COL14A1: variants seen among roughly 807,000 people sequenced by gnomAD.
COL14A1 encodes collagen alpha-1(XIV) chain.
Under a neutral mutation model 230.3 loss-of-function variants are expected in COL14A1, and 136 were observed. That is an observed-to-expected ratio of 0.59 (90% CI 0.51 to 0.68). COL14A1 has a LOEUF of 0.68. COL14A1 is among the 30% of genes least tolerant of loss of function. The probability of loss-of-function intolerance (pLI) is 0.00; values close to 1 mark genes in which losing one functional copy is unlikely to be tolerated. For missense variants in COL14A1, 1,976 were observed against 2,215.8 expected, an observed-to-expected ratio of 0.89 and a Z score of 2.17; for synonymous variants, 792 against 784.1, an observed-to-expected ratio of 1.01 and a Z score of -0.17.
intron 17 of COL14A1, among the ~76,000 whole-genome samples, chr8:120,227,562 C>T (rs551592519): frequency 6.6e-6 from 1 of 152,128 alleles, no homozygotes; most frequent in African/African-American, 2.4e-5. Context: ...AAGGCAGGGA[C>T]CATATCTGTG....
At chr8:120,362,462 T>C (rs1823253177) in intron 45 of COL14A1, among the ~76,000 whole-genome samples, 1 of 152,228 alleles carries the variant, frequency 6.6e-6, no homozygotes, top group South Asian at 2.1e-4. Context: ...AGATATTTCT[T>C]GAGTGCTTAA....
chr8:120,130,747 G>A (rs976075760), intron 1 of COL14A1, among the ~76,000 whole-genome samples: 15 of 151,982 alleles, frequency 9.9e-5, no homozygotes, highest in African/African-American at 3.4e-4. Context: ...TTAAGTTTGG[G>A]GATACAAGAA....
intron 5 of COL14A1, among the ~76,000 whole-genome samples, chr8:120,189,754 G>A (rs200245392): frequency 2.0e-5 from 3 of 150,842 alleles, no homozygotes; most frequent in East Asian, 3.9e-4. Context: ...TTGTCCTTGC[G>A]ATAGTTTACT....
chr8:120,298,945 T>C (rs1820620899), intron 35 of COL14A1, among the ~76,000 whole-genome samples: 1 of 151,832 alleles, frequency 6.6e-6, no homozygotes, highest in Non-Finnish European at 1.5e-5. Context: ...AACACTTCCT[T>C]CTTCAGAAGG....
chr8:120,247,964 A>C (rs554660805), intron 21 of COL14A1, among the ~76,000 whole-genome samples: 1 of 152,316 alleles, frequency 6.6e-6, no homozygotes. Context: ...TACTGGGCAC[A>C]TCAATTAGAA....
At chr8:120,178,708 T>C (rs1283656082) in intron 5 of COL14A1, among the ~76,000 whole-genome samples, 1 of 152,208 alleles carries the variant, frequency 6.6e-6, no homozygotes, top group African/African-American at 2.4e-5. Context: ...GTAAAAGTGT[T>C]GCTATTTCTC....
chr8:120,350,237 C>A (rs2130312602), intron 45 of COL14A1, among the ~76,000 whole-genome samples: 1 of 152,102 alleles, frequency 6.6e-6, no homozygotes. Context: ...CTGAAGGAAG[C>A]AATAAACATG....
chr8:120,154,060 C>T (rs960615656), intron 2 of COL14A1, among the ~76,000 whole-genome samples: 3 of 152,134 alleles, frequency 2.0e-5, no homozygotes, highest in Admixed American at 1.3e-4. Flanking sequence ...AGAGGAGATG[C>T]GATTATGGGT....
At chr8:120,165,535 C>T (rs554125367) in intron 4 of COL14A1, among the ~76,000 whole-genome samples, 35 of 152,156 alleles carry the variant, frequency 2.3e-4, no homozygotes, top group Non-Finnish European at 3.7e-4. Context: ...TACTTCACCA[C>T]GTAGTACAGC....
chr8:120,369,362 G>A lies in COL14A1; in HGVS notation c.5188G>A (p.Gly1730Arg). Residue 1730 changes from glycine (G) to arginine (R), a missense_variant, in exon 47 of 48, where the codon GGG (glycine) becomes AGG (arginine). Coordinates refer to ENST00000297848, the MANE Select transcript of COL14A1 (RefSeq NM_021110.4). ...PSGESRPGSP[G>R]PPGSPGPRGP... is the part of the protein sequence containing the mutation. ...AGGGGAGAGTCGGCCTGGCAGCCCT[G>A]GGCCCCCTGGCTCTCCTGGACCAAG... 6.3e-7 allele frequency: 1 copy of A among 1,599,452 alleles called. No individual in the cohort carries two copies. The highest frequency in any genetic ancestry group is 2.3e-5 in the East Asian group (1 of 43,980).
intron 40 of COL14A1, among the ~76,000 whole-genome samples, chr8:120,317,908 G>T (rs1026619173): frequency 1.3e-5 from 2 of 152,118 alleles, no homozygotes; most frequent in African/African-American, 4.8e-5. Context: ...GAGTATGTCT[G>T]ATTCTTAATT....
chr8:120,140,830 T>A (rs1814882418), intron 1 of COL14A1, among the ~76,000 whole-genome samples: 1 of 152,120 alleles, frequency 6.6e-6, no homozygotes, highest in African/African-American at 2.4e-5. Flanking sequence ...AAAACAAACA[T>A]ATGAGTGGAA....
intron 1 of COL14A1, among the ~76,000 whole-genome samples, chr8:120,135,909 T>C (rs1814695154): frequency 6.6e-6 from 1 of 152,114 alleles, no homozygotes; most frequent in Admixed American, 6.5e-5. Context: ...TTTTATTTAT[T>C]TTCTGCTATT....
intron 18 of COL14A1, among the ~76,000 whole-genome samples, chr8:120,230,535 C>T (rs1200187390): frequency 6.6e-6 from 1 of 151,996 alleles, no homozygotes; most frequent in Non-Finnish European, 1.5e-5. Context: ...ACCATATTTC[C>T]TATGCTTCCC....
intron 19 of COL14A1, among the ~76,000 whole-genome samples, chr8:120,235,396 C>T (rs1818409749): frequency 6.6e-6 from 1 of 152,092 alleles, no homozygotes; most frequent in Non-Finnish European, 1.5e-5. Context: ...GTCTCAAACT[C>T]CTGACCCTGT....
At chr8:120,272,424 G>A (rs1268807922) in intron 26 of COL14A1, among the ~76,000 whole-genome samples, 1 of 151,616 alleles carries the variant, frequency 6.6e-6, no homozygotes, top group Non-Finnish European at 1.5e-5. Context: ...CATGGTGACT[G>A]GAACTGTACC....
At chr8:120,246,622 G>C (rs1414752236) in intron 20 of COL14A1, among the ~76,000 whole-genome samples, 1 of 151,992 alleles carries the variant, frequency 6.6e-6, no homozygotes, top group African/African-American at 2.4e-5. Context: ...TATGAAAATA[G>C]GGCTTAAATC....
At chr8:120,192,677 G>A (rs1390133710) in intron 5 of COL14A1, among the ~76,000 whole-genome samples, 2 of 152,080 alleles carry the variant, frequency 1.3e-5, no homozygotes, top group African/African-American at 2.4e-5. Context: ...TCACTTTCAG[G>A]TAAACCAATC....
At chr8:120,214,483 A>G (rs1401353397) in intron 13 of COL14A1, among the ~76,000 whole-genome samples, 1 of 152,184 alleles carries the variant, frequency 6.6e-6, no homozygotes, top group African/African-American at 2.4e-5. Context: ...TGAATTAGAT[A>G]GGGGTCCTTG....
Sources: gnomAD v4.1 joint callset for allele counts (sites outside exome capture counted in the v4.1 genomes callset) on GRCh38, gnomAD v4.1.1 for gene constraint, MANE v1.5 for transcripts, NCBI Gene and HGNC (gene_info 2026-07-23, HGNC 2026-07-21) for gene names.